ADAMTS17: variants seen among roughly 807,000 people sequenced by gnomAD.
ADAMTS17 encodes the protein ADAM metallopeptidase with thrombospondin type 1 motif 17, also known as A disintegrin and metalloproteinase with thrombospondin motifs 17.
A neutral mutation model predicts 141.5 loss-of-function variants in ADAMTS17; 113 were observed. The ratio of observed to expected loss-of-function variants is 0.80; its 90% CI spans 0.69 to 0.93. The LOEUF is 0.93. Ranked by LOEUF, ADAMTS17 falls within the 40% of genes least tolerant of loss-of-function variation. ADAMTS17 has a pLI of 0.00. For missense variants in ADAMTS17, 1,659 were observed against 1,517.9 expected (o/e 1.09, Z -1.54); for synonymous variants, 768 against 630.6 (o/e 1.22, Z -3.27).
chr15:100,076,540 A>G (rs535134674), intron 15 of ADAMTS17, among the ~76,000 whole-genome samples: 3 of 152,270 alleles, frequency 2.0e-5, no homozygotes, highest in South Asian at 4.1e-4. Context: ...ATTTATTTCA[A>G]ATTTTAAAGT....
At chr15:100,073,705 T>G (rs1030159567) in intron 15 of ADAMTS17, among the ~76,000 whole-genome samples, 1 of 132,052 alleles carries the variant, frequency 7.6e-6, no homozygotes, top group Non-Finnish European at 1.5e-5. Context: ...TAGGTGGGAA[T>G]TGAACAATGA....
At chr15:100,193,418 G>C (rs547536563) in intron 8 of ADAMTS17, among the ~76,000 whole-genome samples, 2 of 152,176 alleles carry the variant, frequency 1.3e-5, no homozygotes, top group Non-Finnish European at 2.9e-5. Context: ...CAGCACAGCC[G>C]GGCTCAGCAC....
At chr15:100,185,161 C>G (rs1453401684) in intron 8 of ADAMTS17, among the ~76,000 whole-genome samples, 1 of 150,722 alleles carries the variant, frequency 6.6e-6, no homozygotes. Flanking sequence ...GATTCCATCA[C>G]TTACAAGCTC....
At chr15:100,025,262 C>G (rs1420794272) in intron 18 of ADAMTS17, among the ~76,000 whole-genome samples, 2 of 152,122 alleles carry the variant, frequency 1.3e-5, no homozygotes, top group African/African-American at 2.4e-5. Context: ...GTTAGGATTG[C>G]TACCTCTGCT....
chr15:100,296,823 C>T (rs1596470734), intron 3 of ADAMTS17, among the ~76,000 whole-genome samples: 1 of 152,316 alleles, frequency 6.6e-6, no homozygotes, highest in African/African-American at 2.4e-5. Flanking sequence ...CCAAGCAGGG[C>T]ACCTCTGCCT....
intron 7 of ADAMTS17, among the ~76,000 whole-genome samples, chr15:100,202,700 C>A: frequency 6.6e-6 from 1 of 152,228 alleles, no homozygotes; most frequent in East Asian, 1.9e-4. Flanking sequence ...GATACCCCCA[C>A]CGTCTCAGGC....
intron 8 of ADAMTS17, among the ~76,000 whole-genome samples, chr15:100,162,812 C>T (rs60627687): frequency 0.041 from 5,382 of 131,142 alleles, 841 homozygotes; most frequent in African/African-American, 0.16. Flanking sequence ...TATATGCACA[C>T]ATACACATTA....
chr15:100,187,827 C>T (rs2040775226), intron 8 of ADAMTS17, among the ~76,000 whole-genome samples: 1 of 152,140 alleles, frequency 6.6e-6, no homozygotes, highest in Non-Finnish European at 1.5e-5. Context: ...TGCCCCCAAA[C>T]TGAAAATAAA....
At chr15:100,013,882 G>A (rs1167549628) in intron 18 of ADAMTS17, among the ~76,000 whole-genome samples, 1 of 152,098 alleles carries the variant, frequency 6.6e-6, no homozygotes. Flanking sequence ...TTGGCATTAG[G>A]GTGATGCTGG....
At chr15:99,994,551 TG>T (rs2060758341) in intron 19 of ADAMTS17, among the ~76,000 whole-genome samples, 1 of 152,196 alleles carries the variant, frequency 6.6e-6, no homozygotes, top group Non-Finnish European at 1.5e-5. Flanking sequence ...TCCCAAGATA[TG>T]ATCTAGCTTT....
chr15:100,279,111 C>T (rs2044199419), intron 4 of ADAMTS17, among the ~76,000 whole-genome samples: 1 of 152,176 alleles, frequency 6.6e-6, no homozygotes, highest in Non-Finnish European at 1.5e-5. Flanking sequence ...TGCCCAGCCA[C>T]AGCCCCGCCC....
At chr15:100,341,748 G>T in intron 1 of ADAMTS17, 73 bp downstream of exon 1, 1 of 1,501,440 alleles carries the variant, frequency 6.7e-7, no homozygotes, top group Non-Finnish European at 8.9e-7. Context: ...CGGGCCGCCA[G>T]GACGCCGCGA....
rs1268978901 is a variant in ADAMTS17, at chr15:99,998,413, G to A, written c.2592-824C>T. Among the ~76,000 whole-genome samples, 5 of 152,142 alleles carry A rather than the reference G, an allele frequency of 3.3e-5. No individual in the cohort carries two copies. In the South Asian group the frequency reaches 6.2e-4, roughly 19 times the overall value. On this transcript the variant is annotated intron_variant, in intron 18 of 21. Coordinates refer to ENST00000268070, the MANE Select transcript of ADAMTS17 (RefSeq NM_139057.4). ...AGGTCAGGAGATCGAGACCAGCCTG[G>A]CCAACATGGTGAAACCCCGTCTCTA...
rs1020027511 is a variant in ADAMTS17, at chr15:99,993,523, G to A, written c.2797-323C>T. ...AAAGCTCAAGGCAATACGTGAGCTCGAAGGGCAGGTGTGTGATGGAGCCAT... is the reference window on the plus strand; with the variant it reads ...AAAGCTCAAGGCAATACGTGAGCTCAAAGGGCAGGTGTGTGATGGAGCCAT... On this transcript the variant is annotated intron_variant, in intron 19 of 21. Coordinates refer to ENST00000268070, the MANE Select transcript of ADAMTS17 (RefSeq NM_139057.4). The surrounding 1 kb of genome is among the most constrained non-coding windows in gnomAD (Gnocchi z 4.3). Among the ~76,000 whole-genome samples, 2 of 152,156 alleles carry A rather than the reference G, an allele frequency of 1.3e-5. No homozygotes were observed. Among genetic ancestry groups the A allele is most frequent in the South Asian group, 2.1e-4 (1 of 4,828 alleles).
intron 13 of ADAMTS17, among the ~76,000 whole-genome samples, chr15:100,111,347 T>C (rs1251784015): frequency 2.0e-5 from 3 of 152,246 alleles, no homozygotes; most frequent in Non-Finnish European, 1.5e-5. Flanking sequence ...TCATTTCCCG[T>C]GCTGGCAGGC....
At chr15:100,264,011 GT>G (rs2043623630) in intron 4 of ADAMTS17, among the ~76,000 whole-genome samples, 1 of 152,208 alleles carries the variant, frequency 6.6e-6, no homozygotes, top group African/African-American at 2.4e-5. Flanking sequence ...GGAATCAGCC[GT>G]GTCACTGCTC....
chr15:99,973,293 G>GC lies in ADAMTS17; in HGVS notation c.*1108dup, dbSNP rs1199145592. 2.0e-5 allele frequency: 3 copies of GC among 152,252 alleles called. No individual in the cohort carries two copies. Among genetic ancestry groups the GC allele is most frequent in the African/African-American group, 7.2e-5 (3 of 41,418 alleles). 9.4% of individuals were successfully genotyped at this position (152,252 alleles called of 1,614,324 possible). On this transcript the variant is annotated 3_prime_UTR_variant, in exon 22 of 22. Transcript: ENST00000268070. Reference sequence around the variant, plus strand: ...GCTCGGCGGGTGTGCAGCAGTGCCAGCCAGATGGCGTTCCTCCCCTGGTCC... The same window carrying GC: ...GCTCGGCGGGTGTGCAGCAGTGCCAGCCCAGATGGCGTTCCTCCCCTGGTCC...
chr15:100,258,154 G>A (rs990398675), intron 6 of ADAMTS17, among the ~76,000 whole-genome samples: 1 of 152,224 alleles, frequency 6.6e-6, no homozygotes, highest in Non-Finnish European at 1.5e-5. Flanking sequence ...CCTCTTGGCT[G>A]TCATGAATAA....
In ADAMTS17 at chr15:100,315,008, G is replaced by A. The variant is rs367624106; in HGVS notation, c.616+15881C>T. ...GAGTGAGGGGTCCTTATTGTCAAAT[G>A]CCTCTGAGGGACAAGGGGGCAAACC... is the stretch of plus-strand genomic sequence containing the variant. On this transcript the variant is annotated intron_variant, in intron 3 of 21. Coordinates refer to ENST00000268070, the MANE Select transcript of ADAMTS17 (RefSeq NM_139057.4). Among the ~76,000 whole-genome samples, 863 of 152,320 alleles carry A rather than the reference G, an allele frequency of 5.7e-3. 8 individuals are homozygous for A. Among genetic ancestry groups the A allele is most frequent in the Non-Finnish European group, 6.5e-3 (441 of 68,008 alleles).
Sources: gnomAD v4.1 joint callset for allele counts (sites outside exome capture counted in the v4.1 genomes callset) on GRCh38, gnomAD v4.1.1 for gene constraint, Gnocchi (gnomAD v3.1) non-coding constraint, MANE v1.5 for transcripts, NCBI Gene and HGNC (gene_info 2026-07-23, HGNC 2026-07-21) for gene names.